CEP70: variants seen among roughly 807,000 people sequenced by gnomAD.
CEP70 encodes centrosomal protein 70.
In CEP70, 70 loss-of-function variants were observed where a neutral mutation model predicts 90.9. The observed-to-expected ratio is 0.77, with a 90% CI of 0.64 to 0.94. CEP70 has a LOEUF of 0.94. CEP70 is among the 40% of genes least tolerant of loss of function. CEP70 has a pLI of 0.00. For synonymous variants in CEP70, 220 were observed against 228.3 expected, an observed-to-expected ratio of 0.96 and a Z score of 0.33; for missense variants, 648 against 669.0, an observed-to-expected ratio of 0.97 and a Z score of 0.35.
Position 138,588,537 on chromosome 3 carries a change from G to A in CEP70, c.-6+3317C>T, listed in dbSNP as rs557780787. 5.5e-4 allele frequency among the ~76,000 whole-genome samples: 84 copies of A among 152,280 alleles called. No individual in the cohort carries two copies. The South Asian group carries it at 6.8e-3, about 12-fold the overall frequency. ...GAGGGAAATGCAAATTAAAACACAC[G>A]ATGTGACACCACTACACATATTAGA... On this transcript the variant is annotated intron_variant, in intron 2 of 17. Transcript: ENST00000264982.
intron 6 of CEP70, among the ~76,000 whole-genome samples, chr3:138,553,234 C>T (rs1010674171): frequency 1.3e-5 from 2 of 152,010 alleles, no homozygotes; most frequent in Admixed American, 6.6e-5. Flanking sequence ...AATCCTAGCA[C>T]TTTGGGAGGC....
chr3:138,543,871 G>A (rs2038958310), intron 6 of CEP70, among the ~76,000 whole-genome samples: 1 of 152,206 alleles, frequency 6.6e-6, no homozygotes, highest in African/African-American at 2.4e-5. Context: ...TTAAGGTATA[G>A]ATAATGTAAA....
intron 11 of CEP70, among the ~76,000 whole-genome samples, chr3:138,520,267 A>C (rs1423958502): frequency 1.3e-5 from 2 of 152,066 alleles, no homozygotes; most frequent in Non-Finnish European, 2.9e-5. Flanking sequence ...AACATTAGAC[A>C]GATCAACGAG....
rs141407122 is a variant in CEP70, at chr3:138,588,056, G to A, written c.-6+3798C>T. 5.6e-3 allele frequency among the ~76,000 whole-genome samples: 850 copies of A among 151,008 alleles called. 6 individuals carry two copies. Among genetic ancestry groups the A allele is most frequent in the African/African-American group, 0.02 (818 of 41,156 alleles). ...ATGGGATGCCCATGTACAAAAAAAA[G>A]AGAAAGAAACAGGACTTTCAGCCAT... is the stretch of plus-strand genomic sequence containing the variant. On this transcript the variant is annotated intron_variant, in intron 2 of 17. Coordinates refer to ENST00000264982, the MANE Select transcript of CEP70 (RefSeq NM_024491.4).
intron 6 of CEP70, among the ~76,000 whole-genome samples, chr3:138,566,835 T>G (rs998692365): frequency 2.0e-5 from 3 of 151,454 alleles, no homozygotes; most frequent in African/African-American, 7.3e-5. Context: ...AAAACTTAAA[T>G]GTATACTTAC....
At chr3:138,546,626 G>A (rs2039227309) in intron 6 of CEP70, among the ~76,000 whole-genome samples, 1 of 152,114 alleles carries the variant, frequency 6.6e-6, no homozygotes, top group Non-Finnish European at 1.5e-5. Flanking sequence ...GTGGGTGCCT[G>A]TAGTCCCAGC....
chr3:138,552,681 TA>T (rs1284730251), intron 6 of CEP70, among the ~76,000 whole-genome samples: 1 of 151,932 alleles, frequency 6.6e-6, no homozygotes, highest in African/African-American at 2.4e-5. Context: ...AAGGTGGTGC[TA>T]AGAGGAAAAT....
At chr3:138,592,545 G>T (rs2042432923) in intron 1 of CEP70, among the ~76,000 whole-genome samples, 1 of 151,534 alleles carries the variant, frequency 6.6e-6, no homozygotes, top group Non-Finnish European at 1.5e-5. Flanking sequence ...AAATAAGATT[G>T]TTGGGGGTAG....
intron 2 of CEP70, among the ~76,000 whole-genome samples, chr3:138,575,147 A>T (rs562420160): frequency 1.4e-4 from 22 of 152,316 alleles, no homozygotes; most frequent in African/African-American, 5.1e-4. Flanking sequence ...GTAATAACAA[A>T]CTTCTCCAAG....
chr3:138,529,917 T>C (rs2037656999), intron 8 of CEP70, among the ~76,000 whole-genome samples: 1 of 152,170 alleles, frequency 6.6e-6, no homozygotes, highest in African/African-American at 2.4e-5. Flanking sequence ...AAGCAACAGA[T>C]TTAATAGTCT....
chr3:138,546,406 T>C (rs2039205271), intron 6 of CEP70, among the ~76,000 whole-genome samples: 1 of 152,224 alleles, frequency 6.6e-6, no homozygotes, highest in Admixed American at 6.5e-5. Context: ...GGTTTCCCCT[T>C]ATTCTCTAGC....
intron 11 of CEP70, among the ~76,000 whole-genome samples, chr3:138,511,851 C>T (rs1044174714): frequency 6.6e-6 from 1 of 152,162 alleles, no homozygotes; most frequent in African/African-American, 2.4e-5. Context: ...GAAACTGGTT[C>T]ACTTAGTCTC....
intron 6 of CEP70, among the ~76,000 whole-genome samples, chr3:138,568,408 T>C (rs1047889724): frequency 6.6e-6 from 1 of 152,182 alleles, no homozygotes; most frequent in Admixed American, 6.5e-5. Flanking sequence ...TCTCAACCTG[T>C]CTGAAAGATA....
chr3:138,509,894 G>A (rs755170930), intron 11 of CEP70, among the ~76,000 whole-genome samples: 5 of 152,078 alleles, frequency 3.3e-5, no homozygotes, highest in Non-Finnish European at 7.4e-5. Flanking sequence ...TTATGTTCAA[G>A]TAACAATCCT....
intron 6 of CEP70, among the ~76,000 whole-genome samples, chr3:138,552,129 T>C (rs547300376): frequency 1.3e-5 from 2 of 152,172 alleles, no homozygotes; most frequent in Non-Finnish European, 2.9e-5. Flanking sequence ...AATATCACAA[T>C]CCTAAATATA....
rs146242861 is a variant in CEP70, at chr3:138,534,336, C to T, written c.636-1766G>A. ...TTACTCTTTTTCTCTTCAAGCCTTC[C>T]GCATCTTAACATATACCAGCTTTCA... On this transcript the variant is annotated intron_variant, in intron 7 of 17. Coordinates refer to ENST00000264982, the MANE Select transcript of CEP70 (RefSeq NM_024491.4). Among the ~76,000 whole-genome samples, 351 of 152,244 alleles carry T rather than the reference C, an allele frequency of 2.3e-3. 1 individual carries two copies. The highest frequency in any genetic ancestry group is 7.8e-3 in the African/African-American group (326 of 41,542).
At chr3:138,506,390 A>G (rs2108698407) in intron 12 of CEP70, among the ~76,000 whole-genome samples, 1 of 152,276 alleles carries the variant, frequency 6.6e-6, no homozygotes, top group African/African-American at 2.4e-5. Flanking sequence ...GTATCTTAAT[A>G]TATTAAGATA....
At chr3:138,525,173 C>G (rs1323015054) in intron 11 of CEP70, among the ~76,000 whole-genome samples, 1 of 151,688 alleles carries the variant, frequency 6.6e-6, no homozygotes, top group Non-Finnish European at 1.5e-5. Context: ...GACAAAAAAC[C>G]AAACACCGCA....
intron 11 of CEP70, among the ~76,000 whole-genome samples, chr3:138,515,043 C>T (rs1363470657): frequency 1.3e-5 from 2 of 151,900 alleles, no homozygotes; most frequent in East Asian, 3.9e-4. Context: ...AAGACCGGAG[C>T]CCAAATAAAC....
Sources: gnomAD v4.1 joint callset for allele counts (sites outside exome capture counted in the v4.1 genomes callset) on GRCh38, gnomAD v4.1.1 for gene constraint, MANE v1.5 for transcripts, NCBI Gene and HGNC (gene_info 2026-07-23, HGNC 2026-07-21) for gene names.